The following MGST1 variants were observed in gnomAD, a reference collection of about 807,000 sequenced individuals.
The protein encoded by MGST1 is microsomal glutathione S-transferase 1.
Under a neutral mutation model 8.9 loss-of-function variants are expected in MGST1, and 5 were observed. The ratio of observed to expected loss-of-function variants is 0.56; its 90% CI spans 0.29 to 1.19. The LOEUF is 1.19. Among genes scored for constraint, MGST1 ranks in the 50% most tolerant of loss-of-function variants. The pLI, the probability that MGST1 is intolerant of heterozygous loss-of-function variation, is 0.08. For synonymous variants in MGST1, 54 were observed against 67.8 expected (o/e 0.80, Z 1.00); for missense variants, 182 against 187.4 (o/e 0.97, Z 0.17).
At chr12:16,378,821 A>C (rs1233279611), downstream of MGST1, among the ~76,000 whole-genome samples, 13 of 151,784 alleles carry the variant, frequency 8.6e-5, no homozygotes, top group Admixed American at 2.6e-4. Context: ...CTTTTATTTC[A>C]TTGAGCAGTG....
rs535610921 is a variant in MGST1, at chr12:16,576,078, G to A, written n.483-13450G>A. Among the ~76,000 whole-genome samples the A allele has an allele frequency of 3.3e-5, 5 of 152,016 alleles. No individual in the cohort carries two copies. Among genetic ancestry groups the A allele is most frequent in the African/African-American group, 4.8e-5 (2 of 41,390 alleles). On this transcript the variant is annotated intron_variant and non_coding_transcript_variant, in intron 4 of 4. Coordinates refer to the MGST1 transcript ENST00000538857. The surrounding 1 kb of genome is among the most constrained non-coding windows in gnomAD (Gnocchi z 4.1). ...TTTGTCTCAGTAAGCTACTTCTAGC[G>A]CGCATCGCTTCTCCCTTGCACTCAT...
At position 16,585,921 on chromosome 12, in the gene MGST1, A is replaced by G. The variant is rs1041462059; in HGVS notation, n.483-3607A>G. Among the ~76,000 whole-genome samples, 2 of 152,192 alleles carry G rather than the reference A, an allele frequency of 1.3e-5. No individual in the cohort carries two copies. The highest frequency in any genetic ancestry group is 2.9e-5 in the Non-Finnish European group (2 of 68,034). ...ATTTATAGTCTCAGAAATCTTGCTT[A>G]TCCTAAGATCTGGGCGACATTTCAC... On this transcript the variant is annotated intron_variant and non_coding_transcript_variant, in intron 4 of 4. Coordinates refer to the MGST1 transcript ENST00000538857. The surrounding 1 kb of genome is among the most constrained non-coding windows in gnomAD (Gnocchi z 4.7).
Position 16,409,159 on chromosome 12 carries a change from C to T in MGST1, n.778+25555C>T, listed in dbSNP as rs193120865. Among the ~76,000 whole-genome samples, 810 of 152,040 alleles carry T rather than the reference C, an allele frequency of 5.3e-3. 7 individuals carry two copies. The highest frequency in any genetic ancestry group is 0.034 in the Middle Eastern group (10 of 294). ...TTCTTTCTGATTTTTGTTTATGATA[C>T]CTAGTTTCCTTGAACAGTTCACAAA... On this transcript the variant is annotated intron_variant and non_coding_transcript_variant, in intron 1 of 1. Transcript: ENST00000359720.
intron 1 of MGST1, among the ~76,000 whole-genome samples, chr12:16,432,725 C>CAG (rs879889269): frequency 0.03 from 3,009 of 99,718 alleles, 60 homozygotes; most frequent in East Asian, 0.096. Context: ...CACACACACA[C>CAG]ACACACAGAG....
intron 1 of MGST1, among the ~76,000 whole-genome samples, chr12:16,393,589 A>G (rs933349569): frequency 2.6e-5 from 4 of 152,214 alleles, no homozygotes; most frequent in African/African-American, 9.6e-5. Flanking sequence ...GAGTTGATGG[A>G]TGTAATTAAA....
In MGST1 at chr12:16,500,566, C is replaced by T. The variant is rs1941499297; in HGVS notation, n.483-88962C>T. ...TCCTGTCCTTTGATGGTGGTGCTTACTCCCCTAAAACTCTACAGTTGTTAC... is the reference window on the plus strand; with the variant it reads ...TCCTGTCCTTTGATGGTGGTGCTTATTCCCCTAAAACTCTACAGTTGTTAC... On this transcript the variant is annotated intron_variant and non_coding_transcript_variant, in intron 4 of 4. Transcript: ENST00000538857. The surrounding 1 kb of genome is among the most constrained non-coding windows in gnomAD (Gnocchi z 4.3). 6.6e-6 allele frequency among the ~76,000 whole-genome samples: 1 copy of T among 152,188 alleles called. No homozygotes were observed. Among genetic ancestry groups the T allele is most frequent in the Non-Finnish European group, 1.5e-5 (1 of 68,038 alleles).
chr12:16,522,175 C>T (rs1454436442), intron 4 of MGST1, among the ~76,000 whole-genome samples: 2 of 152,080 alleles, frequency 1.3e-5, no homozygotes, highest in Non-Finnish European at 2.9e-5. Flanking sequence ...CACTCTTCAT[C>T]AGCTCGGGGA....
At chr12:16,485,167 A>G (rs1011809446) in intron 4 of MGST1, among the ~76,000 whole-genome samples, 5 of 152,190 alleles carry the variant, frequency 3.3e-5, no homozygotes, top group African/African-American at 1.2e-4. Context: ...CGCACATTCT[A>G]TGGACATTGT....
chr12:16,470,168 T>C (rs996665542), intron 4 of MGST1, among the ~76,000 whole-genome samples: 1 of 152,200 alleles, frequency 6.6e-6, no homozygotes, highest in Non-Finnish European at 1.5e-5. Flanking sequence ...CAAAAATAAA[T>C]ATTTGGGGAA....
At chr12:16,530,263 T>C (rs1217943050) in intron 4 of MGST1, among the ~76,000 whole-genome samples, 4 of 152,162 alleles carry the variant, frequency 2.6e-5, no homozygotes, top group South Asian at 2.1e-4. Flanking sequence ...CATAATACTA[T>C]TGGTGTGTTC....
chr12:16,466,976 A>C (rs1941259682), intron 4 of MGST1, among the ~76,000 whole-genome samples: 1 of 152,168 alleles, frequency 6.6e-6, no homozygotes, highest in Admixed American at 6.5e-5. Flanking sequence ...ACTTCATAGC[A>C]GGTAGCAGAT....
At chr12:16,552,216 C>G (rs1224853984) in intron 4 of MGST1, among the ~76,000 whole-genome samples, 3 of 151,950 alleles carry the variant, frequency 2.0e-5, no homozygotes, top group Non-Finnish European at 4.4e-5. Context: ...AATAAAGTAA[C>G]TCTGGGGAGA....
At position 16,555,517 on chromosome 12, in the gene MGST1, T is replaced by C. The variant is rs537884376; in HGVS notation, n.483-34011T>C. On this transcript the variant is annotated intron_variant and non_coding_transcript_variant, in intron 4 of 4. Transcript: ENST00000538857. The surrounding 1 kb of genome is among the most constrained non-coding windows in gnomAD (Gnocchi z 5.5). ...CTTAAGGTGTGTGGTCAATAAAAAT[T>C]GGTTAAGGTAGATTTATTCCAGAAA... is the stretch of plus-strand genomic sequence containing the variant. 2.6e-5 allele frequency among the ~76,000 whole-genome samples: 4 copies of C among 152,362 alleles called. No homozygotes were observed. The highest frequency in any genetic ancestry group is 2.6e-4 in the Admixed American group (4 of 15,300).
chr12:16,536,458 G>T (rs1053839536), intron 4 of MGST1, among the ~76,000 whole-genome samples: 3 of 152,194 alleles, frequency 2.0e-5, no homozygotes, highest in Non-Finnish European at 4.4e-5. Context: ...AGACAGTAAA[G>T]AATGGTACTT....
At chr12:16,452,696 G>A (rs780231485) in intron 4 of MGST1, among the ~76,000 whole-genome samples, 1 of 151,848 alleles carries the variant, frequency 6.6e-6, no homozygotes, top group African/African-American at 2.4e-5. Flanking sequence ...AACTTTAGGA[G>A]TGATGTTTTT....
rs984604130 is a variant in MGST1 at position 16,587,596 on chromosome 12, T to C, written n.483-1932T>C. 3.3e-5 allele frequency among the ~76,000 whole-genome samples: 5 copies of C among 152,138 alleles called. No individual in the cohort carries two copies. Among genetic ancestry groups the C allele is most frequent in the African/African-American group, 9.7e-5 (4 of 41,448 alleles). On this transcript the variant is annotated intron_variant and non_coding_transcript_variant, in intron 4 of 4. Coordinates refer to the MGST1 transcript ENST00000538857. This position sits in a 1 kb window ranked among gnomAD's most constrained non-coding sequence, Gnocchi z 4.3. ...CCCTTGGTGTTAAATTTTCTTAAATTGTATTTCTGTCAGTGTATCATTTTT... is the reference window on the plus strand; with the variant it reads ...CCCTTGGTGTTAAATTTTCTTAAATCGTATTTCTGTCAGTGTATCATTTTT...
At chr12:16,590,943 CA>C (rs1173918348), downstream of MGST1, among the ~76,000 whole-genome samples, 4 of 151,842 alleles carry the variant, frequency 2.6e-5, no homozygotes, top group African/African-American at 7.3e-5. Context: ...AAAAGACATC[CA>C]AAAAAACTTC....
At chr12:16,358,779 CTTTTTTTTTT>C (rs35081887) in intron 3 of MGST1, among the ~76,000 whole-genome samples, 20 of 57,576 alleles carry the variant, frequency 3.5e-4, no homozygotes, top group Non-Finnish European at 5.6e-4. Context: ...AAATTCATTC[CTTTTTTTTTT>C]TTTTTTTTTT....
chr12:16,369,052 C>T (rs975115655), downstream of MGST1, among the ~76,000 whole-genome samples: 2 of 152,054 alleles, frequency 1.3e-5, no homozygotes, highest in East Asian at 3.9e-4. The surrounding 1 kb of genome is among the most constrained non-coding windows in gnomAD (Gnocchi z 4.8). Flanking sequence ...CTAAGTCATT[C>T]GTATCTATAC....
Sources: gnomAD v4.1 joint callset for allele counts (sites outside exome capture counted in the v4.1 genomes callset) on GRCh38, gnomAD v4.1.1 for gene constraint, Gnocchi (gnomAD v3.1) non-coding constraint, MANE v1.5 for transcripts, NCBI Gene and HGNC (gene_info 2026-07-23, HGNC 2026-07-21) for gene names.